Variants in DTWD1 observed in about 807,000 individuals in gnomAD.
The protein encoded by DTWD1 is tRNA-uridine aminocarboxypropyltransferase 1.
In DTWD1, 27 loss-of-function variants were observed where a neutral mutation model predicts 30.2. The observed-to-expected ratio is 0.90, with a 90% CI of 0.66 to 1.23. The LOEUF is 1.23. Ranked by LOEUF, DTWD1 falls within the 50% of genes most tolerant of loss-of-function variation. The pLI is 0.00. For synonymous variants in DTWD1, 99 were observed against 113.1 expected (o/e 0.88, Z 0.79); for missense variants, 342 against 348.8 (o/e 0.98, Z 0.15).
intron 2 of DTWD1, among the ~76,000 whole-genome samples, chr15:49,631,573 G>A (rs1037125718): frequency 1.3e-5 from 2 of 152,058 alleles, no homozygotes; most frequent in Non-Finnish European, 2.9e-5. Flanking sequence ...GACCAACCTG[G>A]CCAACATGGT....
chr15:49,647,670 G>A lies in DTWD1; in HGVS notation c.*4092G>A, dbSNP rs979578794. On this transcript the variant is annotated 3_prime_UTR_variant, in exon 5 of 5. Coordinates refer to ENST00000403028, the MANE Select transcript of DTWD1 (RefSeq NM_001144955.2). The stretch of plus-strand genomic sequence containing the variant: ...AACACTTACTGACCCTACATTGAAG[G>A]CCACCAGCCAAAAATCACCACCCAT... 3.9e-5 allele frequency: 6 copies of A among 152,074 alleles called. No individual in the cohort carries two copies. Among genetic ancestry groups the A allele is most frequent in the Admixed American group, 3.3e-4 (5 of 15,270 alleles). 9.4% of individuals were successfully genotyped at this position (152,074 alleles called of 1,614,324 possible).
intron 3 of DTWD1, among the ~76,000 whole-genome samples, 187 bp from the exon 4 acceptor site, chr15:49,634,349 A>T (rs1429945905): frequency 6.6e-6 from 1 of 152,100 alleles, no homozygotes; most frequent in African/African-American, 2.4e-5. Flanking sequence ...TTATATTATG[A>T]TTATAAATTA....
Position 49,643,575 on chromosome 15 carries a change from T to A in DTWD1, c.912T>A (p.His304Gln). ...ATAAGGAAACAGGAAAACTTACACA[T>A]TAGTTTTTAACAAGCCACTTATGTC... Reference protein sequence around the residue: ...SGDKETGKLTH With the variant: ...SGDKETGKLTQ The change falls in exon 5 of 5, where the codon CAT becomes CAA. Residue 304 changes from histidine to glutamine, a missense_variant. Transcript: ENST00000403028. The A allele has an allele frequency of 6.3e-7, 1 of 1,588,570 alleles. No homozygotes were observed. Among genetic ancestry groups the A allele is most frequent in the South Asian group, 1.2e-5 (1 of 85,972 alleles).
rs183600928 is a variant in DTWD1 at position 49,655,561 on chromosome 15, T to C, written c.*11983T>C. On this transcript the variant is annotated 3_prime_UTR_variant, in exon 5 of 5. Coordinates refer to ENST00000403028, the MANE Select transcript of DTWD1 (RefSeq NM_001144955.2). ...AGAACAAAAGCAACTTCTATAAATA[T>C]TGAGACATTCCCTTTCTACCTTTGG... 18 of 152,114 alleles carry C rather than the reference T, an allele frequency of 1.2e-4. No homozygotes were observed. The East Asian group carries it at 2.9e-3, about 25-fold the overall frequency. 9.4% of individuals were successfully genotyped at this position (152,114 alleles called of 1,614,324 possible). A position where few individuals can be genotyped will look rare whatever the true frequency, so the allele number is the denominator to read the frequency against.
At position 49,652,953 on chromosome 15, in the gene DTWD1, G is replaced by A. The variant is rs911854116; in HGVS notation, c.*9375G>A. 2.0e-5 allele frequency: 3 copies of A among 152,122 alleles called. No homozygotes were observed. The highest frequency in any genetic ancestry group is 7.2e-5 in the African/African-American group (3 of 41,440). 9.4% of individuals were successfully genotyped at this position (152,122 alleles called of 1,614,324 possible). Reference sequence around the variant, plus strand: ...TCTGGTGACTGAAGTCCAGCTGAATGTAGCTGCCAAAGTTACCTTAATGCC... The same window carrying A: ...TCTGGTGACTGAAGTCCAGCTGAATATAGCTGCCAAAGTTACCTTAATGCC... On this transcript the variant is annotated 3_prime_UTR_variant, in exon 5 of 5. Coordinates refer to ENST00000403028, the MANE Select transcript of DTWD1 (RefSeq NM_001144955.2).
At chr15:49,623,122 G>A (rs2078790850) in intron 1 of DTWD1, among the ~76,000 whole-genome samples, 1 of 152,134 alleles carries the variant, frequency 6.6e-6, no homozygotes, top group African/African-American at 2.4e-5. Context: ...ACATTTTTCA[G>A]TCCCACTATG....
intron 1 of DTWD1, among the ~76,000 whole-genome samples, chr15:49,622,951 A>C (rs768881402): frequency 6.6e-6 from 1 of 152,226 alleles, no homozygotes; most frequent in Non-Finnish European, 1.5e-5. Context: ...ATATCCATTT[A>C]GTTATGTGGA....
rs1380989037 is a variant in DTWD1, at chr15:49,645,694, G to T, written c.*2116G>T. 6.6e-6 allele frequency: 1 copy of T among 151,830 alleles called. No homozygotes were observed. Among genetic ancestry groups the T allele is most frequent in the East Asian group, 1.9e-4 (1 of 5,168 alleles). The allele number at this position is 151,830 out of a possible 1,614,324, so 9.4% of individuals were successfully genotyped here. Reference sequence around the variant, plus strand: ...AAGAAAAAAAAAAGCGAGAGACAGAGAACAATTCTATCACTCATTTGCCTC... The same window carrying T: ...AAGAAAAAAAAAAGCGAGAGACAGATAACAATTCTATCACTCATTTGCCTC... On this transcript the variant is annotated 3_prime_UTR_variant, in exon 5 of 5. Coordinates refer to ENST00000403028, the MANE Select transcript of DTWD1 (RefSeq NM_001144955.2).
At position 49,644,495 on chromosome 15, in the gene DTWD1, T is replaced by C. The variant is rs1408481822; in HGVS notation, c.*917T>C. On this transcript the variant is annotated 3_prime_UTR_variant, in exon 5 of 5. Coordinates refer to ENST00000403028, the MANE Select transcript of DTWD1 (RefSeq NM_001144955.2). Reference sequence around the variant, plus strand: ...GCTGAATAGCTTCTGTCTGCTCTTTTCTATTCTGCTCCCTGCTCTGTGAGG... The same window carrying C: ...GCTGAATAGCTTCTGTCTGCTCTTTCCTATTCTGCTCCCTGCTCTGTGAGG... 1.3e-5 allele frequency: 2 copies of C among 152,258 alleles called. No homozygotes were observed. The highest frequency in any genetic ancestry group is 4.8e-5 in the African/African-American group (2 of 41,462). 9.4% of individuals were successfully genotyped at this position (152,258 alleles called of 1,614,324 possible).
intron 3 of DTWD1, among the ~76,000 whole-genome samples, chr15:49,633,043 C>CTATATATATATATATATA (rs368196512): frequency 8.7e-4 from 112 of 129,456 alleles, no homozygotes; most frequent in Non-Finnish European, 1.3e-3. Flanking sequence ...CTATTTATAT[C>CTATATATATATATATATA]TATATCTATA....
rs899125243 is a variant in DTWD1, at chr15:49,646,085, C to A, written c.*2507C>A. The A allele has an allele frequency of 1.3e-5, 2 of 152,190 alleles. No individual in the cohort carries two copies. The highest frequency in any genetic ancestry group is 4.8e-5 in the African/African-American group (2 of 41,456). 9.4% of individuals were successfully genotyped at this position (152,190 alleles called of 1,614,324 possible). On this transcript the variant is annotated 3_prime_UTR_variant, in exon 5 of 5. Transcript: ENST00000403028. ...GAATATGCATGGCTGAGTTAGCCTG[C>A]TGGAGCATGAGACTCCATGGAACAG...
At position 49,649,267 on chromosome 15, in the gene DTWD1, A is replaced by C. The variant is rs1456125193; in HGVS notation, c.*5689A>C. The C allele has an allele frequency of 3.9e-5, 6 of 152,170 alleles. No individual in the cohort carries two copies. Among genetic ancestry groups the C allele is most frequent in the Non-Finnish European group, 1.5e-5 (1 of 68,006 alleles). 9.4% of individuals were successfully genotyped at this position (152,170 alleles called of 1,614,324 possible). A position where few individuals can be genotyped will look rare whatever the true frequency, so the allele number is the denominator to read the frequency against. ...GAACTTTAAGTGAAAATAGTTTTCT[A>C]TTTGGATTCTATTTTTAGTCATGCA... On this transcript the variant is annotated 3_prime_UTR_variant, in exon 5 of 5. Coordinates refer to ENST00000403028, the MANE Select transcript of DTWD1 (RefSeq NM_001144955.2).
At chr15:49,639,225 C>T (rs1373241609) in intron 4 of DTWD1, among the ~76,000 whole-genome samples, 1 of 152,074 alleles carries the variant, frequency 6.6e-6, no homozygotes, top group Admixed American at 6.6e-5. Flanking sequence ...AAGGAAAAGC[C>T]ATTTGTAATT....
Position 49,643,430 on chromosome 15 carries a change from A to G in DTWD1, c.767A>G (p.Tyr256Cys), listed in dbSNP as rs535340397. 1.9e-6 allele frequency: 3 copies of G among 1,604,908 alleles called. No homozygotes were observed. Among genetic ancestry groups the G allele is most frequent in the East Asian group, 2.2e-5 (1 of 44,466 alleles). ...CTTTCTACAATTGAAGCCATTTACTACTTTCTGGTAGACTACCATACTGAT... is the reference window on the plus strand; with the variant it reads ...CTTTCTACAATTGAAGCCATTTACTGCTTTCTGGTAGACTACCATACTGAT... ...TFLSTIEAIY[Y>C]FLVDYHTDIL... The change falls in exon 5 of 5, where the codon TAC (tyrosine) becomes TGC (cysteine). Residue 256 changes from tyrosine (Y) to cysteine (C), a missense_variant. By Grantham distance (194) the Tyr-to-Cys change is radical. Coordinates refer to ENST00000403028, the MANE Select transcript of DTWD1 (RefSeq NM_001144955.2).
intron 1 of DTWD1, among the ~76,000 whole-genome samples, chr15:49,622,129 A>C (rs2078745388): frequency 6.6e-6 from 1 of 152,186 alleles, no homozygotes; most frequent in Non-Finnish European, 1.5e-5. Context: ...TGTGTTTTGC[A>C]GAATGGTTTT....
chr15:49,633,048 TCTA>T (rs2078947071), intron 3 of DTWD1, among the ~76,000 whole-genome samples: 1 of 134,424 alleles, frequency 7.4e-6, no homozygotes, highest in African/African-American at 3.2e-5. Flanking sequence ...TATATCTATA[TCTA>T]TATATATATA....
At chr15:49,630,809 C>T (rs551100733) in intron 2 of DTWD1, 25 of 177,940 alleles carry the variant, frequency 1.4e-4, no homozygotes, top group Admixed American at 8.4e-4. Flanking sequence ...GCGAAGCTTC[C>T]GTCTGTATTT....
At chr15:49,621,516 A>T (rs757936795) in intron 1 of DTWD1, among the ~76,000 whole-genome samples, 12 of 152,166 alleles carry the variant, frequency 7.9e-5, no homozygotes, top group Non-Finnish European at 1.8e-4. Flanking sequence ...GAAGCGTAGT[A>T]CAGACGTAGA....
chr15:49,650,670 C>T lies in DTWD1; in HGVS notation c.*7092C>T, dbSNP rs1227213804. On this transcript the variant is annotated 3_prime_UTR_variant, in exon 5 of 5. Coordinates refer to ENST00000403028, the MANE Select transcript of DTWD1 (RefSeq NM_001144955.2). ...AAAAAGCTTCACCTGAGGTTACCCTCGTCTTAGATCTCAGGGCAGCCCTCA... is the reference window on the plus strand; with the variant it reads ...AAAAAGCTTCACCTGAGGTTACCCTTGTCTTAGATCTCAGGGCAGCCCTCA... 1 of 152,158 alleles carries T rather than the reference C, an allele frequency of 6.6e-6. No homozygotes were observed. Among genetic ancestry groups the T allele is most frequent in the Non-Finnish European group, 1.5e-5 (1 of 68,030 alleles). 9.4% of individuals were successfully genotyped at this position (152,158 alleles called of 1,614,324 possible).
Sources: gnomAD v4.1 joint callset for allele counts (sites outside exome capture counted in the v4.1 genomes callset) on GRCh38, gnomAD v4.1.1 for gene constraint, MANE v1.5 for transcripts, NCBI Gene and HGNC (gene_info 2026-07-23, HGNC 2026-07-21) for gene names.